SDHA: variants seen among roughly 807,000 people sequenced by gnomAD.
SDHA encodes succinate dehydrogenase complex flavoprotein subunit A, also known as succinate dehydrogenase [ubiquinone] flavoprotein subunit, mitochondrial.
Under a neutral mutation model 78.4 loss-of-function variants are expected in SDHA, and 48 were observed. The observed-to-expected ratio is 0.61, with a 90% CI of 0.49 to 0.78. SDHA has a LOEUF of 0.78. SDHA is among the 30% of genes least tolerant of loss of function. The pLI is 0.00. For synonymous variants in SDHA, 326 were observed against 353.9 expected (o/e 0.92, Z 0.88); for missense variants, 680 against 892.7 (o/e 0.76, Z 3.04).
chr5:229,075 A>C (rs1269520250), intron 6 of SDHA, among the ~76,000 whole-genome samples: 1 of 152,006 alleles, frequency 6.6e-6, no homozygotes, highest in Non-Finnish European at 1.5e-5. Context: ...ATATCATCTC[A>C]TCTCGCTCCA....
At chr5:238,274 C>CTG (rs1401510612) in intron 10 of SDHA, among the ~76,000 whole-genome samples, 1 of 151,918 alleles carries the variant, frequency 6.6e-6, no homozygotes, top group African/African-American at 2.4e-5. Context: ...AGACACAACT[C>CTG]TGTGTGTGTC....
At chr5:240,040 AT>A (rs1369586066) in intron 10 of SDHA, among the ~76,000 whole-genome samples, 1 of 152,178 alleles carries the variant, frequency 6.6e-6, no homozygotes, top group African/African-American at 2.4e-5. Context: ...AAGTGCTGGG[AT>A]TACAGGCGTG....
chr5:255,009 G>T (rs997529454), intron 14 of SDHA, among the ~76,000 whole-genome samples: 4 of 151,832 alleles, frequency 2.6e-5, no homozygotes, highest in African/African-American at 9.7e-5. Flanking sequence ...AGCAGAGAAG[G>T]GCAGAAATGG....
chr5:254,927 G>A (rs1006664524), intron 14 of SDHA, among the ~76,000 whole-genome samples: 1 of 152,078 alleles, frequency 6.6e-6, no homozygotes, highest in African/African-American at 2.4e-5. Context: ...CACGGGCTGG[G>A]CCAACTGGAA....
chr5:256,278 G>C (rs182699824), intron 14 of SDHA, 56 bp from the exon 15 acceptor site: 6 of 1,313,112 alleles, frequency 4.6e-6, no homozygotes, highest in African/African-American at 4.5e-5. Context: ...AGGAACACAA[G>C]AGATGGCTTT....
intron 11 of SDHA, among the ~76,000 whole-genome samples, chr5:247,311 C>G (rs1408712151): frequency 6.6e-6 from 1 of 152,182 alleles, no homozygotes; most frequent in Non-Finnish European, 1.5e-5. Context: ...TTTATTTATG[C>G]AATTGCAAAC....
chr5:248,896 G>T (rs1579433683), intron 11 of SDHA, among the ~76,000 whole-genome samples: 1 of 152,144 alleles, frequency 6.6e-6, no homozygotes, highest in Non-Finnish European at 1.5e-5. Flanking sequence ...CCATGGCGGT[G>T]TAGTGGCACC....
At chr5:250,867 A>T in intron 11 of SDHA, 125 bp from the exon 12 acceptor site, 1 of 837,284 alleles carries the variant, frequency 1.2e-6, no homozygotes, top group Admixed American at 2.0e-5. Context: ...TGAATTTCCT[A>T]ATTTTTCTGT....
chr5:251,612 T>G, intron 13 of SDHA, 144 bp downstream of exon 13: 3 of 1,543,220 alleles, frequency 1.9e-6, no homozygotes, highest in Non-Finnish European at 2.6e-6. Context: ...CTGGTAACTT[T>G]GATCCCTGGG....
At chr5:237,907 G>A (rs1172228103) in intron 10 of SDHA, among the ~76,000 whole-genome samples, 2 of 135,938 alleles carry the variant, frequency 1.5e-5, no homozygotes, top group East Asian at 1.9e-4. Context: ...GGTGATCATC[G>A]GCGAAGGCGG....
chr5:247,005 A>T (rs1481973911), intron 11 of SDHA, among the ~76,000 whole-genome samples: 1 of 152,220 alleles, frequency 6.6e-6, no homozygotes, highest in Non-Finnish European at 1.5e-5. Flanking sequence ...TCAATTTTTG[A>T]AATTAACTAA....
intron 13 of SDHA, 107 bp downstream of exon 13, chr5:251,575 T>C (rs1350969779): frequency 1.3e-6 from 2 of 1,573,656 alleles, no homozygotes; most frequent in Non-Finnish European, 8.6e-7. Context: ...GCCCCAAAAG[T>C]AAATCCAAAA....
intron 10 of SDHA, among the ~76,000 whole-genome samples, 160 bp from the exon 11 acceptor site, chr5:240,198 C>T (rs990077156): frequency 2.6e-5 from 4 of 152,216 alleles, no homozygotes; most frequent in African/African-American, 9.6e-5. Context: ...CAACAGATGG[C>T]CTCAGCTGTA....
At chr5:223,668 A>G in intron 2 of SDHA, 100 bp downstream of exon 2, 1 of 810,624 alleles carries the variant, frequency 1.2e-6, no homozygotes, top group Non-Finnish European at 2.2e-6. Context: ...ACATAAGGGA[A>G]AAATTTCTCA....
the SDHA span, among the ~76,000 whole-genome samples, chr5:266,794 C>T: frequency 2.2e-4 from 32 of 143,730 alleles, no homozygotes; most frequent in African/African-American, 7.8e-4. Context: ...AGACCCTCGC[C>T]GTCCCGTGCA....
chr5:239,119 T>TGCAGAACCTCAAGAGACCCACAG (rs1735970370), intron 10 of SDHA, among the ~76,000 whole-genome samples: 1 of 140,038 alleles, frequency 7.1e-6, no homozygotes, highest in Non-Finnish European at 1.5e-5. Flanking sequence ...CATAGCCTGG[T>TGCAGAACCTCAAGAGACCCACAG]CCTGTGGAGA....
chr5:222,676 C>A (rs560449670), intron 1 of SDHA, among the ~76,000 whole-genome samples: 1 of 152,248 alleles, frequency 6.6e-6, no homozygotes, highest in Non-Finnish European at 1.5e-5. Flanking sequence ...TGAGACTATT[C>A]AGTGGTCTTC....
chr5:230,742 G>A (rs1222875884), intron 6 of SDHA, 134 bp from the exon 7 acceptor site: 8 of 1,172,374 alleles, frequency 6.8e-6, no homozygotes, highest in East Asian at 2.4e-5. Context: ...TGGGGTGTGC[G>A]TGAGTAGGGG....
intron 6 of SDHA, 50 bp from the exon 7 acceptor site, chr5:230,826 G>A (rs1384172414): frequency 6.2e-7 from 1 of 1,613,488 alleles, no homozygotes; most frequent in South Asian, 1.1e-5. Context: ...CCAGATAGGA[G>A]GTCCAGATGT....
Sources: allele counts gnomAD v4.1 joint callset (sites outside exome capture counted in the v4.1 genomes callset), GRCh38; gene constraint gnomAD v4.1.1; transcripts MANE v1.5; gene names NCBI Gene and HGNC (gene_info 2026-07-23, HGNC 2026-07-21).